Variants in CMSS1 observed in about 807,000 individuals in gnomAD.
CMSS1 encodes the protein protein CMSS1.
In CMSS1, 33 loss-of-function variants were observed where a neutral mutation model predicts 43.5. The ratio of observed to expected loss-of-function variants is 0.76; its 90% CI spans 0.57 to 1.01. The LOEUF (loss-of-function observed/expected upper bound fraction) is 1.01. Ranked by LOEUF, CMSS1 falls within the 50% of genes least tolerant of loss-of-function variation. The probability of loss-of-function intolerance (pLI) is 0.00; values close to 1 mark genes in which losing one functional copy is unlikely to be tolerated. For missense variants in CMSS1, 313 were observed against 326.4 expected, an observed-to-expected ratio of 0.96 and a Z score of 0.32; for synonymous variants, 115 against 117.2, an observed-to-expected ratio of 0.98 and a Z score of 0.12.
intron 1 of CMSS1, among the ~76,000 whole-genome samples, chr3:100,061,918 T>G (rs1230686575): frequency 1.3e-5 from 2 of 152,140 alleles, no homozygotes; most frequent in Non-Finnish European, 2.9e-5. Flanking sequence ...TAACTATTGC[T>G]AACTGTGCAG....
intron 5 of CMSS1, among the ~76,000 whole-genome samples, chr3:100,167,342 T>A (rs2067073490): frequency 1.3e-5 from 2 of 152,374 alleles, no homozygotes; most frequent in South Asian, 4.1e-4. Flanking sequence ...TTGCTGTTTT[T>A]AAATGTTTGT....
chr3:100,168,198 A>G lies in CMSS1; in HGVS notation c.518+358A>G, dbSNP rs184310996. On this transcript the variant is annotated intron_variant, in intron 6 of 9. Coordinates refer to ENST00000421999, the MANE Select transcript of CMSS1 (RefSeq NM_032359.4). ...CAGCTATCTGGAAGAAAAGCATTCCAGGTAGAGGGGAGAGTAAGCACAAAA... is the reference window on the plus strand; with the variant it reads ...CAGCTATCTGGAAGAAAAGCATTCCGGGTAGAGGGGAGAGTAAGCACAAAA... Among the ~76,000 whole-genome samples the G allele has an allele frequency of 6.6e-5, 10 of 152,340 alleles. No homozygotes were observed. The East Asian group carries it at 1.7e-3, about 26-fold the overall frequency.
At chr3:99,983,830 T>A (rs1332272798) in intron 1 of CMSS1, among the ~76,000 whole-genome samples, 1 of 151,870 alleles carries the variant, frequency 6.6e-6, no homozygotes, top group East Asian at 1.9e-4. Flanking sequence ...CAAAGGAGAA[T>A]GGACCATCTG....
intron 1 of CMSS1, among the ~76,000 whole-genome samples, chr3:99,935,051 A>G (rs1241284581): frequency 6.6e-6 from 1 of 152,166 alleles, no homozygotes; most frequent in Non-Finnish European, 1.5e-5. Context: ...CCCTCTGCCA[A>G]TAACCACAAA....
chr3:99,948,269 G>A lies in CMSS1; in HGVS notation c.64+130226G>A, dbSNP rs148841780. ...AGGCCAGGCATGGTGTCTCACACCC[G>A]ATCACTTGAGCCCCGGAGTTTGAGA... On this transcript the variant is annotated intron_variant, in intron 1 of 9. Coordinates refer to ENST00000421999, the MANE Select transcript of CMSS1 (RefSeq NM_032359.4). Among the ~76,000 whole-genome samples the A allele has an allele frequency of 6.6e-4, 101 of 152,174 alleles. 1 individual carries two copies. Among genetic ancestry groups the A allele is most frequent in the Admixed American group, 1.6e-3 (24 of 15,294 alleles).
rs540885770 is a variant in CMSS1, at chr3:100,084,681, G to A, written c.65-62292G>A. ...ATAAGTTAGAGAAATTGTCACTTAC[G>A]TATAAACATGAGGATATGGATATTA... On this transcript the variant is annotated intron_variant, in intron 1 of 9. Coordinates refer to ENST00000421999, the MANE Select transcript of CMSS1 (RefSeq NM_032359.4). Among the ~76,000 whole-genome samples, 129 of 152,268 alleles carry A rather than the reference G, an allele frequency of 8.5e-4. 1 individual carries two copies. Among genetic ancestry groups the A allele is most frequent in the East Asian group, 2.5e-3 (13 of 5,192 alleles).
intron 1 of CMSS1, among the ~76,000 whole-genome samples, chr3:99,894,517 C>T (rs1290102052): frequency 6.6e-6 from 1 of 152,070 alleles, no homozygotes; most frequent in Non-Finnish European, 1.5e-5. Context: ...TTCTTTTGCT[C>T]ATGGAAGAAA....
chr3:100,139,778 CG>C (rs2066790151), intron 1 of CMSS1, among the ~76,000 whole-genome samples: 1 of 130,270 alleles, frequency 7.7e-6, no homozygotes, highest in African/African-American at 2.9e-5. Flanking sequence ...GCCTGGGCGA[CG>C]AGAGCAAAAC....
At chr3:99,849,679 T>C (rs1559656935) in intron 1 of CMSS1, 1 of 1,613,546 alleles carries the variant, frequency 6.2e-7, no homozygotes, top group Non-Finnish European at 8.5e-7. Context: ...TTTGTCTCGT[T>C]CATTAGCATA....
intron 1 of CMSS1, among the ~76,000 whole-genome samples, chr3:99,970,039 C>G (rs898356614): frequency 6.6e-6 from 1 of 152,124 alleles, no homozygotes; most frequent in African/African-American, 2.4e-5. Context: ...TAGGCATTGG[C>G]TTAAAATTTG....
At chr3:99,968,510 G>A (rs1019920652) in intron 1 of CMSS1, among the ~76,000 whole-genome samples, 1 of 152,068 alleles carries the variant, frequency 6.6e-6, no homozygotes, top group African/African-American at 2.4e-5. Context: ...CATGGAAGGT[G>A]ATGGGAGGTA....
intron 1 of CMSS1, among the ~76,000 whole-genome samples, chr3:100,087,979 C>A (rs186026469): frequency 1.2e-4 from 18 of 151,998 alleles, no homozygotes. Context: ...TACAGGTGCC[C>A]ACCACCATGC....
At chr3:99,930,673 G>T in intron 1 of CMSS1, 1 of 1,333,572 alleles carries the variant, frequency 7.5e-7, no homozygotes, top group Non-Finnish European at 1.1e-6. Context: ...ACACATGTAT[G>T]AACCACAGAT....
At chr3:100,125,280 G>A (rs766341688) in intron 1 of CMSS1, among the ~76,000 whole-genome samples, 10 of 152,186 alleles carry the variant, frequency 6.6e-5, no homozygotes, top group Non-Finnish European at 1.0e-4. Context: ...TCACTGAAGA[G>A]CTCTGTGATC....
At chr3:99,982,483 G>A (rs570594253) in intron 1 of CMSS1, among the ~76,000 whole-genome samples, 1 of 152,136 alleles carries the variant, frequency 6.6e-6, no homozygotes, top group Admixed American at 6.5e-5. Context: ...TGGGACTACA[G>A]GCACATGCCA....
chr3:99,899,465 A>G (rs1706366109), intron 1 of CMSS1, among the ~76,000 whole-genome samples: 1 of 152,208 alleles, frequency 6.6e-6, no homozygotes, highest in African/African-American at 2.4e-5. Flanking sequence ...TTTTCCATGA[A>G]TTATATTAAT....
chr3:100,159,250 A>G (rs2067002511), intron 2 of CMSS1, among the ~76,000 whole-genome samples: 1 of 152,266 alleles, frequency 6.6e-6, no homozygotes, highest in South Asian at 2.1e-4. Context: ...AGAGGAAACT[A>G]AAATTTCAAG....
intron 4 of CMSS1, 69 bp from the exon 5 acceptor site, chr3:100,166,266 C>A: frequency 9.7e-7 from 1 of 1,026,260 alleles, no homozygotes; most frequent in Non-Finnish European, 1.5e-6. Context: ...TCATAACTCA[C>A]ATATAATCTG....
chr3:100,180,648 C>G lies in CMSS1; in HGVS notation c.*2260C>G, dbSNP rs1479891109. ...TGGACTTCATTGTCCATATCACTAT[C>G]AGCATTTTGGTCAAAACTGTTCAAC... On this transcript the variant is annotated 3_prime_UTR_variant, in exon 10 of 10. Coordinates refer to ENST00000421999, the MANE Select transcript of CMSS1 (RefSeq NM_032359.4). 6.6e-6 allele frequency: 1 copy of G among 152,434 alleles called. No homozygotes were observed. The highest frequency in any genetic ancestry group is 1.5e-5 in the Non-Finnish European group (1 of 68,208). 9.4% of individuals were successfully genotyped at this position (152,434 alleles called of 1,614,324 possible).
Sources: allele counts gnomAD v4.1 joint callset (sites outside exome capture counted in the v4.1 genomes callset), GRCh38; gene constraint gnomAD v4.1.1; transcripts MANE v1.5; gene names NCBI Gene and HGNC (gene_info 2026-07-23, HGNC 2026-07-21).